The following TMEM229B variants were observed in gnomAD, a reference collection of about 807,000 sequenced individuals.
TMEM229B encodes the protein chromosome 14 open reading frame 83.
TMEM229B carries 6 observed loss-of-function variants against 13.7 expected under a neutral mutation model. The observed-to-expected ratio is 0.44, with a 90% CI of 0.24 to 0.86. The LOEUF (loss-of-function observed/expected upper bound fraction) is 0.86. Ranked by LOEUF, TMEM229B falls within the 40% of genes least tolerant of loss-of-function variation. TMEM229B has a pLI of 0.23. For missense variants in TMEM229B, 170 were observed against 236.0 expected (o/e 0.72, Z 1.83); for synonymous variants, 107 against 102.1 (o/e 1.05, Z -0.29).
chr14:67,511,626 T>C (rs995654007), intron 1 of TMEM229B, among the ~76,000 whole-genome samples: 16 of 152,212 alleles, frequency 1.1e-4, no homozygotes, highest in Admixed American at 5.9e-4. Flanking sequence ...CCAGACTGGA[T>C]TGTGATCCAA....
chr14:67,486,697 G>A lies in TMEM229B; in HGVS notation c.-19+303C>T, dbSNP rs146564557. 1.6e-4 allele frequency among the ~76,000 whole-genome samples: 24 copies of A among 152,250 alleles called. No homozygotes were observed. The East Asian group carries it at 3.1e-3, about 20-fold the overall frequency. On this transcript the variant is annotated intron_variant, in intron 2 of 2. Transcript: ENST00000554480. Reference sequence around the variant, plus strand: ...ATGATTGTGAGGCTTCCCCAGACACGTGGAATTAACCCTCTTTTTCTGTAT... The same window carrying A: ...ATGATTGTGAGGCTTCCCCAGACACATGGAATTAACCCTCTTTTTCTGTAT...
chr14:67,533,111 G>A (rs1340373262), intron 1 of TMEM229B, among the ~76,000 whole-genome samples: 1 of 152,308 alleles, frequency 6.6e-6, no homozygotes, highest in East Asian at 1.9e-4. Flanking sequence ...GCTGAGCCCA[G>A]CGCTCTGCCT....
rs147683024 is a variant in TMEM229B, at chr14:67,511,677, C to T, written c.-192+3409G>A. On this transcript the variant is annotated intron_variant, in intron 1 of 2. Coordinates refer to the TMEM229B transcript ENST00000357461. The stretch of plus-strand genomic sequence containing the variant: ...CCAAAATCAGAGGAGGGTGGAAAGT[C>T]GCCTTTCAGAACCATCCTTTGAAGG... Among the ~76,000 whole-genome samples, 104 of 152,308 alleles carry T rather than the reference C, an allele frequency of 6.8e-4. 1 individual carries two copies. The highest frequency in any genetic ancestry group is 6.8e-3 in the Middle Eastern group (2 of 294).
chr14:67,525,961 G>A (rs539526198), intron 1 of TMEM229B, among the ~76,000 whole-genome samples: 1 of 152,180 alleles, frequency 6.6e-6, no homozygotes, highest in Non-Finnish European at 1.5e-5. Context: ...AGAAACAGCA[G>A]CCCCGTGTCA....
intron 1 of TMEM229B, among the ~76,000 whole-genome samples, chr14:67,529,001 C>T (rs2033407698): frequency 6.6e-6 from 1 of 152,176 alleles, no homozygotes; most frequent in Admixed American, 6.5e-5. Flanking sequence ...TTCCATGCTG[C>T]TCCTCCTGGG....
chr14:67,506,952 C>A (rs1193013392), intron 1 of TMEM229B, among the ~76,000 whole-genome samples: 1 of 152,124 alleles, frequency 6.6e-6, no homozygotes, highest in Non-Finnish European at 1.5e-5. Flanking sequence ...CCACTGCATT[C>A]CAGCCTGGCG....
upstream of TMEM229B, among the ~76,000 whole-genome samples, chr14:67,489,847 A>G (rs370829236): frequency 4.6e-5 from 7 of 152,258 alleles, no homozygotes; most frequent in South Asian, 8.3e-4. Context: ...AAAATTAGCC[A>G]GGTGTGATGG....
chr14:67,502,798 C>T (rs563509856), intron 1 of TMEM229B, among the ~76,000 whole-genome samples: 128 of 152,198 alleles, frequency 8.4e-4, no homozygotes, highest in African/African-American at 2.9e-3. Flanking sequence ...GCAGAGTGAC[C>T]ACAGGGCTTA....
At chr14:67,522,065 T>C (rs1371436907) in intron 1 of TMEM229B, among the ~76,000 whole-genome samples, 1 of 152,064 alleles carries the variant, frequency 6.6e-6, no homozygotes, top group African/African-American at 2.4e-5. Context: ...TCCCAGCTAC[T>C]GGGAGGCTGA....
chr14:67,526,101 C>G (rs958149248), intron 1 of TMEM229B, among the ~76,000 whole-genome samples: 1 of 152,210 alleles, frequency 6.6e-6, no homozygotes, highest in Non-Finnish European at 1.5e-5. Flanking sequence ...TTAGTAGTTC[C>G]TCTTCCGGAC....
chr14:67,504,908 AAAAC>A (rs898725129), intron 1 of TMEM229B, among the ~76,000 whole-genome samples: 1 of 15,836 alleles, frequency 6.3e-5, no homozygotes, highest in Non-Finnish European at 4.8e-4. Context: ...AACAAAAACA[AAAAC>A]AAAAACACAA....
intron 1 of TMEM229B, among the ~76,000 whole-genome samples, chr14:67,523,330 A>T (rs978044804): frequency 3.9e-5 from 6 of 152,054 alleles, no homozygotes; most frequent in African/African-American, 1.4e-4. Context: ...CTCAAAAAAA[A>T]AAAAAAGAAA....
chr14:67,502,285 C>T lies in TMEM229B; in HGVS notation c.-192+12801G>A, dbSNP rs533016886. The stretch of plus-strand genomic sequence containing the variant: ...GGTGGAGGTTGCAGTGAGCCGAGAT[C>T]GTGCCATTGTACTCCAGCCTGGGCA... On this transcript the variant is annotated intron_variant, in intron 1 of 2. Transcript: ENST00000357461. Among the ~76,000 whole-genome samples, 287 of 150,834 alleles carry T rather than the reference C, an allele frequency of 1.9e-3. 2 individuals carry two copies. Among genetic ancestry groups the T allele is most frequent in the African/African-American group, 6.6e-3 (271 of 41,082 alleles).
intron 1 of TMEM229B, chr14:67,533,345 C>G (rs1348005705): frequency 6.6e-6 from 1 of 151,370 alleles, no homozygotes; most frequent in African/African-American, 2.4e-5. Context: ...GGCGGCGGCC[C>G]GAGGGCGCCC....
At chr14:67,522,577 A>G (rs924829033) in intron 1 of TMEM229B, among the ~76,000 whole-genome samples, 3 of 152,218 alleles carry the variant, frequency 2.0e-5, no homozygotes, top group Non-Finnish European at 2.9e-5. Flanking sequence ...AGCCAGATAC[A>G]GTGATTGCAG....
At chr14:67,513,310 T>G (rs1022485312) in intron 1 of TMEM229B, among the ~76,000 whole-genome samples, 1 of 152,170 alleles carries the variant, frequency 6.6e-6, no homozygotes. Context: ...GCCTGCCTGT[T>G]AGAATGGGAA....
At chr14:67,525,211 T>C (rs902458566) in intron 1 of TMEM229B, among the ~76,000 whole-genome samples, 1 of 152,204 alleles carries the variant, frequency 6.6e-6, no homozygotes, top group Non-Finnish European at 1.5e-5. Context: ...AAAATAATTC[T>C]ACCCATATTT....
chr14:67,493,566 C>T (rs187230043), upstream of TMEM229B, among the ~76,000 whole-genome samples: 129 of 152,286 alleles, frequency 8.5e-4, no homozygotes, highest in African/African-American at 3.0e-3. Flanking sequence ...GTGCTGGTTT[C>T]ACTTTGCGAC....
At chr14:67,481,725 C>T (rs1426475603) in intron 2 of TMEM229B, among the ~76,000 whole-genome samples, 3 of 152,212 alleles carry the variant, frequency 2.0e-5, no homozygotes, top group Non-Finnish European at 4.4e-5. Flanking sequence ...TGACAGGCCT[C>T]TATTCCCTGC....
Sources: gnomAD v4.1 joint callset for allele counts (sites outside exome capture counted in the v4.1 genomes callset) on GRCh38, gnomAD v4.1.1 for gene constraint, MANE v1.5 for transcripts, NCBI Gene and HGNC (gene_info 2026-07-23, HGNC 2026-07-21) for gene names.